ATRNL1: variants seen among roughly 807,000 people sequenced by gnomAD.
ATRNL1 encodes the protein attractin-like protein 1.
Under a neutral mutation model 182.7 loss-of-function variants are expected in ATRNL1, and 95 were observed. The observed-to-expected ratio is 0.52, with a 90% CI of 0.44 to 0.62. The LOEUF is 0.62. Among genes scored for constraint, ATRNL1 ranks in the 20% least tolerant of loss-of-function variants. ATRNL1 has a pLI of 0.00. For synonymous variants in ATRNL1, 576 were observed against 568.3 expected (o/e 1.01, Z -0.19); for missense variants, 1,471 against 1,679.5 (o/e 0.88, Z 2.17).
intron 13 of ATRNL1, among the ~76,000 whole-genome samples, chr10:115,273,505 C>T (rs1851965105): frequency 6.6e-6 from 1 of 152,150 alleles, no homozygotes. Context: ...GGCCACAGCC[C>T]ATGAATCCAT....
At chr10:115,546,567 A>AC (rs1852671241) in intron 25 of ATRNL1, among the ~76,000 whole-genome samples, 1 of 114,268 alleles carries the variant, frequency 8.8e-6, no homozygotes, top group Non-Finnish European at 1.6e-5. Flanking sequence ...ACTCTGTCTC[A>AC]AAAAAAAAAA....
At chr10:115,730,926 A>T (rs1555062554) in intron 27 of ATRNL1, among the ~76,000 whole-genome samples, 1 of 152,172 alleles carries the variant, frequency 6.6e-6, no homozygotes, top group Admixed American at 6.5e-5. Flanking sequence ...AAGAACTTGG[A>T]GTCCAGTGTT....
intron 19 of ATRNL1, among the ~76,000 whole-genome samples, chr10:115,336,199 C>T (rs1278620539): frequency 6.6e-6 from 1 of 152,120 alleles, no homozygotes; most frequent in African/African-American, 2.4e-5. Context: ...GAAAATGTCT[C>T]ATTCCTAAAC....
At chr10:115,690,930 G>A (rs1946374469) in intron 26 of ATRNL1, among the ~76,000 whole-genome samples, 1 of 152,102 alleles carries the variant, frequency 6.6e-6, no homozygotes, top group Admixed American at 6.5e-5. Context: ...GTGGACTGCT[G>A]AATTACGCTT....
intron 25 of ATRNL1, among the ~76,000 whole-genome samples, chr10:115,549,004 T>C (rs28570130): frequency 0.011 from 1,657 of 152,232 alleles, 30 homozygotes; most frequent in African/African-American, 0.038. Context: ...ATATATAATA[T>C]GTTCAGATGT....
chr10:115,822,612 G>A (rs1449980191), intron 27 of ATRNL1, among the ~76,000 whole-genome samples: 6 of 151,950 alleles, frequency 3.9e-5, no homozygotes, highest in East Asian at 1.9e-4. Flanking sequence ...ACCACTGATC[G>A]CACAGAAATA....
At chr10:115,809,257 T>C (rs1949992448) in intron 27 of ATRNL1, among the ~76,000 whole-genome samples, 1 of 152,100 alleles carries the variant, frequency 6.6e-6, no homozygotes, top group South Asian at 2.1e-4. Flanking sequence ...TAAAGTAGTG[T>C]GAAGCCTCCA....
intron 24 of ATRNL1, among the ~76,000 whole-genome samples, chr10:115,499,114 T>A (rs576759766): frequency 2.0e-5 from 3 of 152,164 alleles, no homozygotes; most frequent in Non-Finnish European, 4.4e-5. Flanking sequence ...ATGCAAATAC[T>A]ATAATTAAAT....
At chr10:115,501,399 C>T (rs1286014585) in intron 24 of ATRNL1, among the ~76,000 whole-genome samples, 3 of 152,120 alleles carry the variant, frequency 2.0e-5, no homozygotes, top group African/African-American at 7.2e-5. Context: ...AACCCTGTTA[C>T]AGGGACTGTA....
At chr10:115,798,091 G>C (rs566431138) in intron 27 of ATRNL1, among the ~76,000 whole-genome samples, 45 of 152,064 alleles carry the variant, frequency 3.0e-4, no homozygotes, top group African/African-American at 1.1e-3. Flanking sequence ...CTAATTTTTT[G>C]TATTTTTCGT....
At position 115,851,049 on chromosome 10, in the gene ATRNL1, A is replaced by G. The variant is rs569957519; in HGVS notation, c.4018+3058A>G. The stretch of plus-strand genomic sequence containing the variant: ...TTATTAAGAGTCTTCTTATAGATTA[A>G]AAGTCTTATAGTACTTTGCATAATC... On this transcript the variant is annotated intron_variant, in intron 28 of 28. Transcript: ENST00000355044. 2.0e-4 allele frequency among the ~76,000 whole-genome samples: 30 copies of G among 152,314 alleles called. No individual in the cohort carries two copies. In the South Asian group the frequency reaches 5.8e-3, roughly 29 times the overall value.
chr10:115,389,568 A>ACATG (rs1843895797), intron 19 of ATRNL1, among the ~76,000 whole-genome samples: 1 of 116,680 alleles, frequency 8.6e-6, no homozygotes, highest in African/African-American at 3.3e-5. Context: ...ATATATATAT[A>ACATG]TATATATATA....
chr10:115,157,823 G>T (rs1564784695), intron 5 of ATRNL1, among the ~76,000 whole-genome samples: 2 of 152,028 alleles, frequency 1.3e-5, no homozygotes, highest in Non-Finnish European at 2.9e-5. Flanking sequence ...CTATTATTCA[G>T]TCCACTGGAA....
At chr10:115,352,689 G>T (rs1372878270) in intron 19 of ATRNL1, among the ~76,000 whole-genome samples, 6 of 152,034 alleles carry the variant, frequency 3.9e-5, no homozygotes, top group African/African-American at 1.5e-4. Flanking sequence ...CCTGAGGTTG[G>T]GAGTTCAAGA....
At chr10:115,676,443 T>C (rs1945863910) in intron 26 of ATRNL1, among the ~76,000 whole-genome samples, 1 of 152,046 alleles carries the variant, frequency 6.6e-6, no homozygotes, top group South Asian at 2.1e-4. Flanking sequence ...TACTCAGTTA[T>C]CTAAATAATT....
intron 9 of ATRNL1, among the ~76,000 whole-genome samples, chr10:115,229,223 A>C (rs1333321320): frequency 6.6e-6 from 1 of 152,202 alleles, no homozygotes; most frequent in Non-Finnish European, 1.5e-5. Context: ...ACATGAAATG[A>C]TTTAATCTAG....
In ATRNL1 at chr10:115,714,292, AT is replaced by A; in HGVS notation, c.3796-12954del. 1.3e-5 allele frequency among the ~76,000 whole-genome samples: 2 copies of A among 151,776 alleles called. 1 individual carries two copies. The highest frequency in any genetic ancestry group is 1.3e-4 in the Admixed American group (2 of 15,158). ...CATGAAAGGTTAGGCTCACAGATAC[AT>A]TGAAGGGTGGGAAAAATTGAATTTA... On this transcript the variant is annotated intron_variant, in intron 26 of 28. Transcript: ENST00000355044.
At chr10:115,239,871 G>T (rs1468932087) in intron 9 of ATRNL1, among the ~76,000 whole-genome samples, 1 of 152,136 alleles carries the variant, frequency 6.6e-6, no homozygotes, top group Non-Finnish European at 1.5e-5. Flanking sequence ...CAGAGCTTCT[G>T]TAACCCAGAG....
intron 13 of ATRNL1, among the ~76,000 whole-genome samples, chr10:115,275,226 A>G (rs1646274446): frequency 6.6e-6 from 1 of 152,132 alleles, no homozygotes; most frequent in African/African-American, 2.4e-5. Context: ...CTGGGAAAAT[A>G]GCCACAGGAT....
Sources: gnomAD v4.1 joint callset for allele counts (sites outside exome capture counted in the v4.1 genomes callset) on GRCh38, gnomAD v4.1.1 for gene constraint, MANE v1.5 for transcripts, NCBI Gene and HGNC (gene_info 2026-07-23, HGNC 2026-07-21) for gene names.